The following DNAJC11 variants were observed in gnomAD, a reference collection of about 807,000 sequenced individuals.
DNAJC11 encodes dnaJ homolog subfamily C member 11.
DNAJC11 carries 15 observed loss-of-function variants against 78.6 expected under a neutral mutation model. That is an observed-to-expected ratio of 0.19 (90% confidence interval 0.13 to 0.29). The LOEUF (loss-of-function observed/expected upper bound fraction) is 0.29. Among genes scored for constraint, DNAJC11 ranks in the 10% least tolerant of loss-of-function variants. DNAJC11 has a pLI of 1.00. For missense variants in DNAJC11, 547 were observed against 709.6 expected, an observed-to-expected ratio of 0.77 and a Z score of 2.60; for synonymous variants, 292 against 272.1, an observed-to-expected ratio of 1.07 and a Z score of -0.72.
At chr1:6,637,086 G>T in intron 14 of DNAJC11, 112 bp downstream of exon 14, 1 of 1,404,556 alleles carries the variant, frequency 7.1e-7, no homozygotes, top group Non-Finnish European at 9.8e-7. Flanking sequence ...CTGGGCTCAA[G>T]CAATCCGCCC....
intron 1 of DNAJC11, among the ~76,000 whole-genome samples, chr1:6,687,558 C>T (rs570545859): frequency 2.0e-5 from 3 of 152,058 alleles, no homozygotes; most frequent in South Asian, 4.2e-4. Flanking sequence ...GGGGTTTCAC[C>T]GTGTTAGCCA....
intron 12 of DNAJC11, 180 bp from the exon 13 acceptor site, chr1:6,637,684 C>G: frequency 4.5e-6 from 3 of 666,344 alleles, no homozygotes; most frequent in Non-Finnish European, 7.8e-6. Context: ...ACTCCTAGAC[C>G]TAGGGCAGGC....
intron 7 of DNAJC11, among the ~76,000 whole-genome samples, chr1:6,650,340 A>T (rs1642035917): frequency 6.6e-6 from 1 of 152,068 alleles, no homozygotes; most frequent in Admixed American, 6.5e-5. Context: ...CCAAGGTGGG[A>T]GGACTGCTTG....
rs763333669 is a variant in DNAJC11, at chr1:6,634,588, T to C, written c.*1087A>G. ...AGCAAGAGCAACTGATGGCTGCCAC[T>C]TCCAGGCCCCGAGAGACAGGCCTCA... On this transcript the variant is annotated 3_prime_UTR_variant, in exon 16 of 16. Coordinates refer to ENST00000377577, the MANE Select transcript of DNAJC11 (RefSeq NM_018198.4). 2.9e-6 allele frequency: 4 copies of C among 1,366,144 alleles called. No homozygotes were observed. The South Asian group carries it at 4.6e-5, about 16-fold the overall frequency. 84.6% of individuals were successfully genotyped at this position (1,366,144 alleles called of 1,614,324 possible).
At chr1:6,675,495 A>C (rs1402667231) in intron 3 of DNAJC11, among the ~76,000 whole-genome samples, 1 of 152,070 alleles carries the variant, frequency 6.6e-6, no homozygotes, top group Non-Finnish European at 1.5e-5. Context: ...GGCTCACTGA[A>C]ACCTCGACCT....
At chr1:6,656,102 A>G (rs1037993236) in intron 4 of DNAJC11, among the ~76,000 whole-genome samples, 1 of 142,952 alleles carries the variant, frequency 7.0e-6, no homozygotes, top group South Asian at 2.1e-4. Context: ...ACTCCGTCTA[A>G]AAAAAAAAAA....
At chr1:6,681,168 G>A (rs778103935) in intron 1 of DNAJC11, 131 bp from the exon 2 acceptor site, 64 of 960,282 alleles carry the variant, frequency 6.7e-5, no homozygotes, top group Non-Finnish European at 9.1e-5. Flanking sequence ...AGGATGTAAT[G>A]AAGTTCGGTT....
intron 4 of DNAJC11, among the ~76,000 whole-genome samples, chr1:6,657,118 C>G (rs1642138162): frequency 1.3e-5 from 2 of 152,268 alleles, no homozygotes; most frequent in South Asian, 4.1e-4. Context: ...CTGAACCTCT[C>G]AGGTTCACAA....
chr1:6,686,100 T>C (rs1311112280), intron 1 of DNAJC11, among the ~76,000 whole-genome samples: 1 of 152,234 alleles, frequency 6.6e-6, no homozygotes. Context: ...TGTCTTATTT[T>C]ACAACAATAT....
chr1:6,648,168 T>G (rs1025934005), intron 7 of DNAJC11, among the ~76,000 whole-genome samples: 3 of 152,172 alleles, frequency 2.0e-5, no homozygotes, highest in African/African-American at 7.2e-5. Flanking sequence ...TTTTTTCTTT[T>G]TTTTGAGACA....
rs139899213 is a variant in DNAJC11, at chr1:6,653,968, G to A, written c.450C>T (p.Ser150=). 4.3e-5 allele frequency: 70 copies of A among 1,613,344 alleles called. No homozygotes were observed. Among genetic ancestry groups the A allele is most frequent in the Admixed American group, 2.2e-4 (13 of 59,960 alleles). ...TTTCAATCTGCGGAAAGCTACTGCC[G>A]GACACATCTTCATACTCCTCATCAT... The part of the protein sequence containing the change: ...DRYDEEYEDV[S]GSSFPQIEIN... The change falls in exon 5 of 16, where the codon TCC becomes TCT. Residue 150 remains serine, a synonymous_variant. Coordinates refer to ENST00000377577, the MANE Select transcript of DNAJC11 (RefSeq NM_018198.4). This position sits in a 1 kb window ranked among gnomAD's most constrained non-coding sequence, Gnocchi z 4.5.
At chr1:6,658,510 C>G (rs1357433022) in intron 4 of DNAJC11, among the ~76,000 whole-genome samples, 1 of 152,090 alleles carries the variant, frequency 6.6e-6, no homozygotes, top group Non-Finnish European at 1.5e-5. Flanking sequence ...ACAGAAGAAA[C>G]AGCTCCAAGA....
rs144753568 is a variant in DNAJC11, at chr1:6,690,694, G to A, written c.73-9657C>T. Among the ~76,000 whole-genome samples, 139 of 152,330 alleles carry A rather than the reference G, an allele frequency of 9.1e-4. No homozygotes were observed. The East Asian group carries it at 0.022, about 24-fold the overall frequency. ...AATCCCAGCACTTTGGGAGGCTGAGGTGGGCGGATCACGAGGTCAGGAGAT... is the reference window on the plus strand; with the variant it reads ...AATCCCAGCACTTTGGGAGGCTGAGATGGGCGGATCACGAGGTCAGGAGAT... On this transcript the variant is annotated intron_variant, in intron 1 of 15. Transcript: ENST00000377577.
chr1:6,671,467 A>C (rs1570295998), intron 3 of DNAJC11, among the ~76,000 whole-genome samples: 1 of 147,506 alleles, frequency 6.8e-6, no homozygotes, highest in Non-Finnish European at 1.5e-5. Context: ...TGATCTCCTG[A>C]CCTCATGATC....
intron 10 of DNAJC11, among the ~76,000 whole-genome samples, chr1:6,643,639 G>A (rs1641919468): frequency 6.6e-6 from 1 of 152,062 alleles, no homozygotes; most frequent in Non-Finnish European, 1.5e-5. Flanking sequence ...TGGAGCAAGG[G>A]TATGTGTGCC....
intron 4 of DNAJC11, among the ~76,000 whole-genome samples, chr1:6,660,988 T>A (rs1186539927): frequency 2.0e-5 from 3 of 152,262 alleles, no homozygotes; most frequent in African/African-American, 4.8e-5. Context: ...ATTCTTTATT[T>A]TTTGGTTTCA....
At chr1:6,673,290 A>C (rs962989434) in intron 3 of DNAJC11, among the ~76,000 whole-genome samples, 15 of 151,744 alleles carry the variant, frequency 9.9e-5, no homozygotes, top group African/African-American at 3.6e-4. Flanking sequence ...CCATCTCTAC[A>C]ACAAAAAAAC....
chr1:6,638,053 CAGAG>C (rs1331932698), intron 12 of DNAJC11: 37 of 441,542 alleles, frequency 8.4e-5, no homozygotes, highest in Non-Finnish European at 8.1e-6. Flanking sequence ...GCAGAACACT[CAGAG>C]GGAAGAAAAA....
intron 1 of DNAJC11, 70 bp from the exon 2 acceptor site, chr1:6,681,107 T>G: frequency 6.6e-7 from 1 of 1,507,948 alleles, no homozygotes; most frequent in Non-Finnish European, 9.0e-7. Flanking sequence ...AGAATCAGCC[T>G]TGAAATGGGA....
Sources: allele counts gnomAD v4.1 joint callset (sites outside exome capture counted in the v4.1 genomes callset), GRCh38; gene constraint gnomAD v4.1.1; non-coding constraint Gnocchi (gnomAD v3.1); transcripts MANE v1.5; gene names NCBI Gene and HGNC (gene_info 2026-07-23, HGNC 2026-07-21).